The following TXK variants were observed in gnomAD, a reference collection of about 807,000 sequenced individuals.
The protein encoded by TXK is tyrosine-protein kinase TXK.
Under a neutral mutation model 81.0 loss-of-function variants are expected in TXK, and 60 were observed. The observed-to-expected ratio is 0.74, with a 90% CI of 0.60 to 0.92. TXK has a LOEUF of 0.92. TXK is among the 40% of genes least tolerant of loss of function. TXK has a pLI of 0.00. For synonymous variants in TXK, 203 were observed against 210.7 expected, an observed-to-expected ratio of 0.96 and a Z score of 0.32; for missense variants, 581 against 638.3, an observed-to-expected ratio of 0.91 and a Z score of 0.97.
intron 5 of TXK, among the ~76,000 whole-genome samples, chr4:48,105,624 C>A (rs60450073): frequency 6.6e-6 from 1 of 152,068 alleles, no homozygotes; most frequent in African/African-American, 2.4e-5. Flanking sequence ...CCAATACCCA[C>A]CATTACACAA....
intron 1 of TXK, among the ~76,000 whole-genome samples, chr4:48,123,432 G>A (rs1402903219): frequency 6.6e-6 from 1 of 152,104 alleles, no homozygotes; most frequent in African/African-American, 2.4e-5. Context: ...GTCTGTGAAT[G>A]AGTCCACCAC....
chr4:48,074,663 C>A (rs186653630), intron 12 of TXK, among the ~76,000 whole-genome samples: 13 of 152,224 alleles, frequency 8.5e-5, no homozygotes, highest in Admixed American at 1.3e-4. Flanking sequence ...GAGAATTGTA[C>A]ACCGGGATGT....
intron 4 of TXK, 24 bp downstream of exon 4, chr4:48,112,283 G>T: frequency 3.7e-6 from 6 of 1,605,696 alleles, no homozygotes; most frequent in South Asian, 3.3e-5. Flanking sequence ...ATTGGATACT[G>T]ACTAAGTCAT....
intron 7 of TXK, 70 bp downstream of exon 7, chr4:48,095,073 T>C (rs1717931037): frequency 2.3e-6 from 3 of 1,297,904 alleles, no homozygotes; most frequent in Non-Finnish European, 3.3e-6. Context: ...AAGCTCTCAC[T>C]AACATTCTCT....
chr4:48,088,442 T>C (rs1390886222), intron 9 of TXK, among the ~76,000 whole-genome samples: 4 of 152,198 alleles, frequency 2.6e-5, no homozygotes, highest in African/African-American at 9.6e-5. Flanking sequence ...ACAAGAAGCA[T>C]GGCTAAATCA....
chr4:48,116,730 T>G (rs1718823506), intron 1 of TXK, among the ~76,000 whole-genome samples: 1 of 152,200 alleles, frequency 6.6e-6, no homozygotes, highest in Non-Finnish European at 1.5e-5. Context: ...CCCTCCTTGC[T>G]GGGCTCTCCA....
In TXK at chr4:48,095,204, T is replaced by G; in HGVS notation, c.520A>C (p.Ile174Leu). ...CCTAAATGTCTTGAATCTCTGACAA[T>G]AAATGCACCTTCTTTAGACTGCAAA... Reference protein sequence around the residue: ...LRQESKEGAFIVRDSRHLGSY... With the variant: ...LRQESKEGAFLVRDSRHLGSY... The change falls in exon 7 of 15, where the codon ATT becomes CTT. Residue 174 changes from isoleucine to leucine, a missense_variant. Coordinates refer to ENST00000264316, the MANE Select transcript of TXK (RefSeq NM_003328.3). 1 of 1,613,518 alleles carries G rather than the reference T, an allele frequency of 6.2e-7. No individual in the cohort carries two copies. Among genetic ancestry groups the G allele is most frequent in the Non-Finnish European group, 8.5e-7 (1 of 1,179,668 alleles).
In TXK at chr4:48,095,127, A is replaced by C; in HGVS notation, c.581+16T>G. On this transcript the variant is annotated intron_variant, in intron 7 of 14. Transcript: ENST00000264316. ...CAGGGATTATTTCTATAGTAACCAA[A>C]ATCACAAGTGCTTACCTTCTAGCTC... 8 of 1,596,840 alleles carry C rather than the reference A, an allele frequency of 5.0e-6. No homozygotes were observed. Among genetic ancestry groups the C allele is most frequent in the Non-Finnish European group, 6.9e-6 (8 of 1,164,628 alleles).
chr4:48,068,209 A>G (rs1279483665), intron 14 of TXK, among the ~76,000 whole-genome samples: 1 of 152,214 alleles, frequency 6.6e-6, no homozygotes, highest in East Asian at 1.9e-4. Context: ...GCACAGATAT[A>G]GAACGTTTCA....
chr4:48,115,849 T>C (rs1030870861), intron 1 of TXK, among the ~76,000 whole-genome samples: 17 of 151,832 alleles, frequency 1.1e-4, no homozygotes, highest in Admixed American at 3.9e-4. Context: ...AGTGAGACTC[T>C]GTCAAAAAAA....
Position 48,067,521 on chromosome 4 carries a change from A to T in TXK, c.*116T>A. Reference sequence around the variant, plus strand: ...AAACTGTGATCTTTGCACTGTTTTCAAGAGTCAGCAACTCTGAAGAAAGAT... The same window carrying T: ...AAACTGTGATCTTTGCACTGTTTTCTAGAGTCAGCAACTCTGAAGAAAGAT... On this transcript the variant is annotated 3_prime_UTR_variant, in exon 15 of 15. Coordinates refer to ENST00000264316, the MANE Select transcript of TXK (RefSeq NM_003328.3). 9.3e-7 allele frequency: 1 copy of T among 1,070,584 alleles called. No individual in the cohort carries two copies. The highest frequency in any genetic ancestry group is 1.4e-6 in the Non-Finnish European group (1 of 709,024). The allele number at this position is 1,070,584 out of a possible 1,614,324, so 66.3% of individuals were successfully genotyped here. A position where few individuals can be genotyped will look rare whatever the true frequency, so the allele number is the denominator to read the frequency against.
At chr4:48,122,617 C>T (rs1718988730) in intron 1 of TXK, among the ~76,000 whole-genome samples, 1 of 152,160 alleles carries the variant, frequency 6.6e-6, no homozygotes, top group Non-Finnish European at 1.5e-5. Context: ...TAAACAAGCA[C>T]CTTTGTCTAT....
At chr4:48,073,050 G>A (rs1281550419) in intron 13 of TXK, among the ~76,000 whole-genome samples, 5 of 151,508 alleles carry the variant, frequency 3.3e-5, no homozygotes, top group African/African-American at 9.7e-5. Context: ...TCAGCCTCCC[G>A]AGGAACTGGG....
At chr4:48,106,857 A>C (rs1718475336) in intron 5 of TXK, among the ~76,000 whole-genome samples, 1 of 152,204 alleles carries the variant, frequency 6.6e-6, no homozygotes, top group Non-Finnish European at 1.5e-5. Flanking sequence ...CTGATTTAAA[A>C]GGCATAATTA....
At chr4:48,128,332 G>A (rs1289076821) in intron 1 of TXK, among the ~76,000 whole-genome samples, 3 of 152,168 alleles carry the variant, frequency 2.0e-5, no homozygotes, top group African/African-American at 7.2e-5. Flanking sequence ...AGGCGCTCCA[G>A]GTTGTGGTTT....
Position 48,113,833 on chromosome 4 carries a change from G to A in TXK, c.71+515C>T, listed in dbSNP as rs914800891. On this transcript the variant is annotated intron_variant, in intron 2 of 14. Transcript: ENST00000264316. ...GGGATCATAAAAAAAAAAAGTAGGTGGTTTTGAGAACTGTATGAGTTAATA... is the reference window on the plus strand; with the variant it reads ...GGGATCATAAAAAAAAAAAGTAGGTAGTTTTGAGAACTGTATGAGTTAATA... Among the ~76,000 whole-genome samples, 3 of 151,960 alleles carry A rather than the reference G, an allele frequency of 2.0e-5. No individual in the cohort carries two copies. The South Asian group carries it at 6.2e-4, about 32-fold the overall frequency.
chr4:48,078,543 A>T (rs986461621), intron 11 of TXK, among the ~76,000 whole-genome samples: 1 of 152,228 alleles, frequency 6.6e-6, no homozygotes, highest in African/African-American at 2.4e-5. Flanking sequence ...TCAAGGGAAT[A>T]GTGTGAATAT....
Position 48,084,823 on chromosome 4 carries a change from A to AGAGAATGGGTCCAGTTAATC in TXK, c.956+1623_956+1642dup, listed in dbSNP as rs768110527. 9.7e-3 allele frequency among the ~76,000 whole-genome samples: 579 copies of AGAGAATGGGTCCAGTTAATC among 59,994 alleles called. 64 individuals carry two copies. Among genetic ancestry groups the AGAGAATGGGTCCAGTTAATC allele is most frequent in the African/African-American group, 0.022 (453 of 20,522 alleles). The allele number at this position is 59,994 out of a possible 152,430, so 39.4% of individuals were successfully genotyped here. A position where few individuals can be genotyped will look rare whatever the true frequency, so the allele number is the denominator to read the frequency against. ...GGGATATACTTGCTCTGCCTTCGAAAGAGAATGGGTCCAGTTAATCGAGAA... is the reference window on the plus strand; with the variant it reads ...GGGATATACTTGCTCTGCCTTCGAAAGAGAATGGGTCCAGTTAATCGAGAATGGGTCCAGTTAATCGAGAA... On this transcript the variant is annotated intron_variant, in intron 10 of 14. Coordinates refer to ENST00000264316, the MANE Select transcript of TXK (RefSeq NM_003328.3).
chr4:48,070,473 G>A (rs1261439735), intron 14 of TXK, among the ~76,000 whole-genome samples: 1 of 152,182 alleles, frequency 6.6e-6, no homozygotes, highest in East Asian at 1.9e-4. Flanking sequence ...GCAAAGTTGA[G>A]TGAAGTAAAT....
Sources: gnomAD v4.1 joint callset for allele counts (sites outside exome capture counted in the v4.1 genomes callset) on GRCh38, gnomAD v4.1.1 for gene constraint, MANE v1.5 for transcripts, NCBI Gene and HGNC (gene_info 2026-07-23, HGNC 2026-07-21) for gene names.